The following PIP4P2 variants were observed in gnomAD, a reference collection of about 807,000 sequenced individuals.
PIP4P2 encodes type 2 phosphatidylinositol 4,5-bisphosphate 4-phosphatase.
PIP4P2 carries 19 observed loss-of-function variants against 33.3 expected under a neutral mutation model. The ratio of observed to expected loss-of-function variants is 0.57; its 90% CI spans 0.40 to 0.84. The LOEUF is 0.84. Ranked by LOEUF, PIP4P2 falls within the 40% of genes least tolerant of loss-of-function variation. The pLI is 0.00. For synonymous variants in PIP4P2, 110 were observed against 111.9 expected, an observed-to-expected ratio of 0.98 and a Z score of 0.11; for missense variants, 270 against 324.7, an observed-to-expected ratio of 0.83 and a Z score of 1.29.
At chr8:91,000,033 C>T in intron 5 of PIP4P2, among the ~76,000 whole-genome samples, 1 of 151,762 alleles carries the variant, frequency 6.6e-6, no homozygotes, top group Admixed American at 6.6e-5. Context: ...TCTTATTATT[C>T]TGAAAGTTTT....
At position 90,995,712 on chromosome 8, in the gene PIP4P2, T is replaced by C. The variant is rs1422190185; in HGVS notation, c.739A>G (p.Ile247Val). The C allele has an allele frequency of 1.2e-6, 2 of 1,613,434 alleles. No individual in the cohort carries two copies. Among genetic ancestry groups the C allele is most frequent in the Non-Finnish European group, 8.5e-7 (1 of 1,179,624 alleles). The change falls in exon 7 of 7, where the codon ATA becomes GTA. Residue 247 changes from isoleucine to valine, a missense_variant. Coordinates refer to ENST00000285419, the MANE Select transcript of PIP4P2 (RefSeq NM_018710.3). The part of the protein sequence containing the change: ...CLIRACYWGA[I>V]RVSYPEHSFA Reference sequence around the variant, plus strand: ...CTGTGTTCTGGATAACTGACTCTTATGGCTCCCCAATAACAAGCTCGGATA... The same window carrying C: ...CTGTGTTCTGGATAACTGACTCTTACGGCTCCCCAATAACAAGCTCGGATA...
intron 4 of PIP4P2, among the ~76,000 whole-genome samples, chr8:91,009,261 G>A (rs1486273888): frequency 6.6e-6 from 1 of 151,914 alleles, no homozygotes; most frequent in Non-Finnish European, 1.5e-5. Flanking sequence ...AAAAAGTCGG[G>A]AACTGTTTCC....
chr8:91,018,841 T>C (rs536416229), intron 3 of PIP4P2, among the ~76,000 whole-genome samples: 17 of 152,254 alleles, frequency 1.1e-4, no homozygotes, highest in African/African-American at 4.1e-4. Context: ...TTGAGTTTGG[T>C]AGAAGACTAA....
In PIP4P2 at chr8:91,018,454, G is replaced by A. The variant is rs747961318; in HGVS notation, c.422C>T (p.Pro141Leu). Reference sequence around the variant, plus strand: ...ACCTTCTGGTTGGATTGGCAATGCAGGCTGAGCTGGTTGTTCTTCAGAAAT... The same window carrying A: ...ACCTTCTGGTTGGATTGGCAATGCAAGCTGAGCTGGTTGTTCTTCAGAAAT... ...MLISEEQPAQ[P>L]ALPIQPEGTR... is the part of the protein sequence containing the mutation. The change falls in exon 4 of 7, where the codon CCT becomes CTT. Residue 141 changes from proline (P) to leucine (L), a missense_variant. Coordinates refer to ENST00000285419, the MANE Select transcript of PIP4P2 (RefSeq NM_018710.3). 2 of 1,614,018 alleles carry A rather than the reference G, an allele frequency of 1.2e-6. No individual in the cohort carries two copies. Among genetic ancestry groups the A allele is most frequent in the Admixed American group, 1.7e-5 (1 of 59,986 alleles).
At chr8:91,035,967 A>AT (rs1259466849) in intron 1 of PIP4P2, among the ~76,000 whole-genome samples, 1 of 151,994 alleles carries the variant, frequency 6.6e-6, no homozygotes. Flanking sequence ...AGCTATGAGT[A>AT]TACCACTGCA....
intron 1 of PIP4P2, among the ~76,000 whole-genome samples, chr8:91,028,726 T>A (rs1812117779): frequency 6.6e-6 from 1 of 152,186 alleles, no homozygotes; most frequent in African/African-American, 2.4e-5. Flanking sequence ...TTTCAGAGAT[T>A]GGTGCCACTA....
intron 4 of PIP4P2, among the ~76,000 whole-genome samples, chr8:91,011,283 A>G (rs1312343038): frequency 6.6e-6 from 1 of 152,052 alleles, no homozygotes; most frequent in Non-Finnish European, 1.5e-5. Flanking sequence ...GTTGATTAAC[A>G]AAGTATCTGG....
chr8:90,994,774 GA>G lies in PIP4P2; in HGVS notation c.*902del, dbSNP rs1811606036. On this transcript the variant is annotated 3_prime_UTR_variant, in exon 7 of 7. Transcript: ENST00000285419. ...AAGTAGTACATAATTACCTCAATAA[GA>G]AAAATTTACCATGATCTAAGGGAAA... The G allele has an allele frequency of 6.6e-6, 1 of 151,932 alleles. No individual in the cohort carries two copies. The highest frequency in any genetic ancestry group is 2.4e-5 in the African/African-American group (1 of 41,394). The allele number at this position is 151,932 out of a possible 1,614,324, so 9.4% of individuals were successfully genotyped here.
chr8:91,024,300 A>G, intron 1 of PIP4P2: 1 of 438,608 alleles, frequency 2.3e-6, no homozygotes, highest in Non-Finnish European at 4.6e-6. Flanking sequence ...TCAAGGAAAC[A>G]TTTACTTGTA....
intron 2 of PIP4P2, 96 bp from the exon 3 acceptor site, chr8:91,020,359 T>A: frequency 9.6e-7 from 1 of 1,046,520 alleles, no homozygotes; most frequent in Non-Finnish European, 1.5e-6. Flanking sequence ...CCATTAAAAC[T>A]AATGAAATAT....
At chr8:91,020,972 T>C (rs897464212) in intron 2 of PIP4P2, among the ~76,000 whole-genome samples, 1 of 152,198 alleles carries the variant, frequency 6.6e-6, no homozygotes, top group Non-Finnish European at 1.5e-5. Flanking sequence ...GGATAGATAT[T>C]GAAAGTATTT....
At chr8:91,030,040 A>G (rs1812141420) in intron 1 of PIP4P2, among the ~76,000 whole-genome samples, 1 of 152,220 alleles carries the variant, frequency 6.6e-6, no homozygotes, top group Non-Finnish European at 1.5e-5. Flanking sequence ...TATATATTCC[A>G]GCAACAGAAA....
intron 5 of PIP4P2, among the ~76,000 whole-genome samples, chr8:91,003,599 G>T (rs951276083): frequency 6.6e-6 from 1 of 152,062 alleles, no homozygotes; most frequent in Non-Finnish European, 1.5e-5. Flanking sequence ...GCTGGGTCAG[G>T]TTGTGCTTGA....
chr8:91,028,880 A>G (rs1220236933), intron 1 of PIP4P2, among the ~76,000 whole-genome samples: 1 of 152,218 alleles, frequency 6.6e-6, no homozygotes. Context: ...GAAAGTCAAG[A>G]GTCTTTAGAA....
chr8:91,032,132 C>T (rs1006436382), intron 1 of PIP4P2, among the ~76,000 whole-genome samples: 4 of 152,214 alleles, frequency 2.6e-5, no homozygotes, highest in African/African-American at 9.7e-5. Flanking sequence ...AAGCCAAACA[C>T]TACCTGGTGG....
intron 4 of PIP4P2, among the ~76,000 whole-genome samples, chr8:91,014,265 G>C (rs1811881436): frequency 1.3e-5 from 2 of 152,028 alleles, no homozygotes; most frequent in Admixed American, 1.3e-4. Flanking sequence ...TGGAGGCTGG[G>C]GTAAGGATAA....
At position 91,033,820 on chromosome 8, in the gene PIP4P2, C is replaced by T. The variant is rs563367201; in HGVS notation, c.106+6824G>A. Among the ~76,000 whole-genome samples the T allele has an allele frequency of 7.2e-5, 11 of 152,218 alleles. No individual in the cohort carries two copies. The East Asian group carries it at 1.2e-3, about 16-fold the overall frequency. ...TTTGAGACAGAGTCTCACTCTGTTG[C>T]GCAGGCTGGAGTACAATGGCACAAT... On this transcript the variant is annotated intron_variant, in intron 1 of 6. Coordinates refer to ENST00000285419, the MANE Select transcript of PIP4P2 (RefSeq NM_018710.3).
intron 5 of PIP4P2, among the ~76,000 whole-genome samples, chr8:91,003,323 T>A (rs1449401005): frequency 1.3e-5 from 2 of 152,142 alleles, no homozygotes; most frequent in Non-Finnish European, 2.9e-5. Flanking sequence ...TGAGAGATGC[T>A]GAATACATGA....
intron 2 of PIP4P2, among the ~76,000 whole-genome samples, chr8:91,020,939 A>T (rs7818155): frequency 0.59 from 89,857 of 152,082 alleles, 28,671 homozygotes; most frequent in Non-Finnish European, 0.72. Flanking sequence ...TAATGAAAAC[A>T]AGAATGAATG....
Sources: allele counts gnomAD v4.1 joint callset (sites outside exome capture counted in the v4.1 genomes callset), GRCh38; gene constraint gnomAD v4.1.1; transcripts MANE v1.5; gene names NCBI Gene and HGNC (gene_info 2026-07-23, HGNC 2026-07-21).